The following LRATD1 variants were observed in gnomAD, a reference collection of about 807,000 sequenced individuals.
LRATD1 encodes LRAT domain containing 1, also known as protein LRATD1.
In LRATD1, 8 loss-of-function variants were observed where a neutral mutation model predicts 21.3. That is an observed-to-expected ratio of 0.38 (90% CI 0.22 to 0.68). The LOEUF (loss-of-function observed/expected upper bound fraction) is 0.68, where lower values mean the gene tolerates loss of function less well. LRATD1 is among the 30% of genes least tolerant of loss of function. The pLI is 0.54. For missense variants in LRATD1, 380 were observed against 404.0 expected (o/e 0.94, Z 0.51); for synonymous variants, 210 against 186.2 (o/e 1.13, Z -1.04).
At position 14,638,348 on chromosome 2, in the gene LRATD1, C is replaced by T. The variant is rs71435443; in HGVS notation, c.*3490C>T. ...TGACAGTATTTTTTAAAAATAATAA[C>T]GTATATTATAGTTACGAAACACTTG... is the stretch of plus-strand genomic sequence containing the variant. On this transcript the variant is annotated 3_prime_UTR_variant, in exon 2 of 2. Transcript: ENST00000295092. 5.4e-5 allele frequency: 9 copies of T among 166,100 alleles called. No individual in the cohort carries two copies. Among genetic ancestry groups the T allele is most frequent in the South Asian group, 4.2e-4 (2 of 4,796 alleles). 10.3% of individuals were successfully genotyped at this position (166,100 alleles called of 1,614,324 possible). A position where few individuals can be genotyped will look rare whatever the true frequency, so the allele number is the denominator to read the frequency against.
chr2:14,645,904 C>G lies in LRATD1; in HGVS notation n.259-200C>G, dbSNP rs146742458. Among the ~76,000 whole-genome samples the G allele has an allele frequency of 8.5e-5, 13 of 152,254 alleles. No homozygotes were observed. The East Asian group carries it at 2.5e-3, about 29-fold the overall frequency. On this transcript the variant is annotated intron_variant and non_coding_transcript_variant, in intron 2 of 5. Coordinates refer to the LRATD1 transcript ENST00000464947. The stretch of plus-strand genomic sequence containing the variant: ...TCCTCATGACCAACCTTGTGTCTGT[C>G]AGGTCTTACTGTTCCCTGCATACAA...
At position 14,635,125 on chromosome 2, in the gene LRATD1, G is replaced by A. The variant is rs532498403; in HGVS notation, c.*267G>A. ...GTGACGGTGCTGGGAGACCCCGCGTGCGCTTTCCCCTTGAGATGTAAACCG... is the reference window on the plus strand; with the variant it reads ...GTGACGGTGCTGGGAGACCCCGCGTACGCTTTCCCCTTGAGATGTAAACCG... On this transcript the variant is annotated 3_prime_UTR_variant, in exon 2 of 2. Coordinates refer to ENST00000295092, the MANE Select transcript of LRATD1 (RefSeq NM_145175.4). 14 of 701,842 alleles carry A rather than the reference G, an allele frequency of 2.0e-5. No homozygotes were observed. In the South Asian group the frequency reaches 2.1e-4, roughly 11 times the overall value. The allele number at this position is 701,842 out of a possible 1,614,324, so 43.5% of individuals were successfully genotyped here.
exon 4 of LRATD1, chr2:14,646,460 T>G (rs1239732935): frequency 1.3e-5 from 2 of 152,084 alleles, no homozygotes; most frequent in Non-Finnish European, 1.5e-5. Flanking sequence ...TAACCAGGGG[T>G]CCAAGGTAAT....
intron 4 of LRATD1, among the ~76,000 whole-genome samples, chr2:14,649,141 A>G (rs1045057216): frequency 6.6e-6 from 1 of 151,896 alleles, no homozygotes; most frequent in Non-Finnish European, 1.5e-5. Context: ...TTACTTTTTG[A>G]CCTATGTTGA....
In LRATD1 at chr2:14,635,177, A is replaced by C. The variant is rs1671658016; in HGVS notation, c.*319A>C. 1 of 636,888 alleles carries C rather than the reference A, an allele frequency of 1.6e-6. No homozygotes were observed. Among genetic ancestry groups the C allele is most frequent in the Admixed American group, 2.1e-5 (1 of 46,912 alleles). 39.5% of individuals were successfully genotyped at this position (636,888 alleles called of 1,614,324 possible). A position where few individuals can be genotyped will look rare whatever the true frequency, so the allele number is the denominator to read the frequency against. On this transcript the variant is annotated 3_prime_UTR_variant, in exon 2 of 2. Transcript: ENST00000295092. ...GAACGGGGAAGGGGCTGAGGGGAGA[A>C]AGGACATGGCCTTCCCCGCGAGTCC...
At chr2:14,641,842 T>C (rs1209270587), downstream of LRATD1, 1 of 152,254 alleles carries the variant, frequency 6.6e-6, no homozygotes, top group Admixed American at 6.5e-5. Context: ...ATCTATGCTT[T>C]ATGCCGAGCT....
At chr2:14,649,418 T>G (rs1671963380) in exon 5 of LRATD1, 1 of 455,036 alleles carries the variant, frequency 2.2e-6, no homozygotes, top group South Asian at 1.6e-5. Flanking sequence ...GTGAATGTAC[T>G]CTTTTCAGCA....
At chr2:14,644,473 T>C (rs1001068822), downstream of LRATD1, among the ~76,000 whole-genome samples, 3 of 152,312 alleles carry the variant, frequency 2.0e-5, no homozygotes, top group Admixed American at 2.0e-4. Flanking sequence ...AGTTTGGTCT[T>C]ATGAAGTCTG....
chr2:14,638,126 A>G lies in LRATD1; in HGVS notation c.*3268A>G, dbSNP rs1444748482. On this transcript the variant is annotated 3_prime_UTR_variant, in exon 2 of 2. Coordinates refer to ENST00000295092, the MANE Select transcript of LRATD1 (RefSeq NM_145175.4). ...AGTGCTTTGCTACATTTTTATTTAA[A>G]CCAAAAATCAAATAAAATAAGGAGG... The G allele has an allele frequency of 1.2e-5, 2 of 166,470 alleles. No individual in the cohort carries two copies. Among genetic ancestry groups the G allele is most frequent in the Admixed American group, 6.6e-5 (1 of 15,188 alleles). The allele number at this position is 166,470 out of a possible 1,614,324, so 10.3% of individuals were successfully genotyped here.
In LRATD1 at chr2:14,638,352, T is replaced by C. The variant is rs1338214149; in HGVS notation, c.*3494T>C. 6.0e-6 allele frequency: 1 copy of C among 166,970 alleles called. No individual in the cohort carries two copies. 10.3% of individuals were successfully genotyped at this position (166,970 alleles called of 1,614,324 possible). A position where few individuals can be genotyped will look rare whatever the true frequency, so the allele number is the denominator to read the frequency against. On this transcript the variant is annotated 3_prime_UTR_variant, in exon 2 of 2. Coordinates refer to ENST00000295092, the MANE Select transcript of LRATD1 (RefSeq NM_145175.4). The stretch of plus-strand genomic sequence containing the variant: ...AGTATTTTTTAAAAATAATAACGTA[T>C]ATTATAGTTACGAAACACTTGTGCC...
At position 14,635,654 on chromosome 2, in the gene LRATD1, G is replaced by GCCGGCC; in HGVS notation, c.*800_*805dup. ...TGGCGCTGCGAATTCGGTGAGGACA[G>GCCGGCC]CCGGCCCCGCCCCCGACAAGGAGCT... On this transcript the variant is annotated 3_prime_UTR_variant, in exon 2 of 2. Transcript: ENST00000295092. 1 of 468,876 alleles carries GCCGGCC rather than the reference G, an allele frequency of 2.1e-6. No homozygotes were observed. Among genetic ancestry groups the GCCGGCC allele is most frequent in the Non-Finnish European group, 4.4e-6 (1 of 225,636 alleles). The allele number at this position is 468,876 out of a possible 1,614,324, so 29.0% of individuals were successfully genotyped here. A position where few individuals can be genotyped will look rare whatever the true frequency, so the allele number is the denominator to read the frequency against.
At chr2:14,642,794 G>A (rs1671828713), downstream of LRATD1, among the ~76,000 whole-genome samples, 1 of 152,142 alleles carries the variant, frequency 6.6e-6, no homozygotes, top group African/African-American at 2.4e-5. Flanking sequence ...CACTGAGAAT[G>A]TAACTAGATT....
At chr2:14,640,930 G>C (rs1458651900), downstream of LRATD1, among the ~76,000 whole-genome samples, 1 of 152,128 alleles carries the variant, frequency 6.6e-6, no homozygotes, top group Non-Finnish European at 1.5e-5. Context: ...ACCAGATTTA[G>C]CAAATAAAAA....
In LRATD1 at chr2:14,634,588, G is replaced by A. The variant is rs752679216; in HGVS notation, c.609G>A (p.Lys203=). 1 of 1,501,836 alleles carries A rather than the reference G, an allele frequency of 6.7e-7. No individual in the cohort carries two copies. Among genetic ancestry groups the A allele is most frequent in the Non-Finnish European group, 8.9e-7 (1 of 1,122,486 alleles). The allele number at this position is 1,501,836 out of a possible 1,614,324, so 93.0% of individuals were successfully genotyped here. A position where few individuals can be genotyped will look rare whatever the true frequency, so the allele number is the denominator to read the frequency against. The change falls in exon 2 of 2, where the codon AAG becomes AAA. Residue 203 remains lysine (K), a synonymous_variant. Transcript: ENST00000295092. ...ACGCCTGCGGCCACCTGGGCCTCAA[G>A]AGCGAGGAGATCTGCTGGACGAACT... ...VQNACGHLGL[K]SEEICWTNSE... is the part of the protein sequence containing the mutation.
rs1293521822 is a variant in LRATD1, at chr2:14,634,312, C to G, written c.333C>G (p.Tyr111Ter). 2 of 1,596,488 alleles carry G rather than the reference C, an allele frequency of 1.3e-6. No individual in the cohort carries two copies. Among genetic ancestry groups the G allele is most frequent in the African/African-American group, 1.3e-5 (1 of 74,832 alleles). Reference sequence around the variant, plus strand: ...CTCAGGGCGCCGACCTAAGCGTCTACGCGGTCACCGCGCTGCCAGCGCTCT... The same window carrying G: ...CTCAGGGCGCCGACCTAAGCGTCTAGGCGGTCACCGCGCTGCCAGCGCTCT... ...GGPQGADLSVYAVTALPALCE... is the reference protein window; with the variant it reads ...GGPQGADLSV Residue 111 changes from tyrosine to a stop codon, truncating the protein, a stop_gained, in exon 2 of 2, where the codon TAC (tyrosine) becomes TAG (stop). Coordinates refer to ENST00000295092, the MANE Select transcript of LRATD1 (RefSeq NM_145175.4). LOFTEE classifies it high-confidence loss of function.
downstream of LRATD1, among the ~76,000 whole-genome samples, chr2:14,644,590 A>G (rs1671864087): frequency 6.6e-6 from 1 of 152,184 alleles, no homozygotes; most frequent in African/African-American, 2.4e-5. Flanking sequence ...CTCCCAGTGT[A>G]TACTTGTAGA....
At chr2:14,646,886 T>G (rs1456541063) in intron 4 of LRATD1, among the ~76,000 whole-genome samples, 1 of 152,188 alleles carries the variant, frequency 6.6e-6, no homozygotes, top group East Asian at 1.9e-4. Flanking sequence ...TAAATTAGAT[T>G]AGTTATTCCT....
At position 14,633,916 on chromosome 2, in the gene LRATD1, GTGTCTCT is replaced by G. The variant is rs1296966847; in HGVS notation, c.-36-27_-36-21del. 1 of 1,545,728 alleles carries G rather than the reference GTGTCTCT, an allele frequency of 6.5e-7. No individual in the cohort carries two copies. Among genetic ancestry groups the G allele is most frequent in the Non-Finnish European group, 8.8e-7 (1 of 1,140,834 alleles). ...GAAAGGGGCAGCCCGGACTCTGACG[GTGTCTCT>G]GCCTCTCTGTGCCTCCGCAGATCCC... On this transcript the variant is annotated intron_variant, in intron 1 of 1. Transcript: ENST00000295092. The surrounding 1 kb of genome is among the most constrained non-coding windows in gnomAD (Gnocchi z 7.5).
Position 14,636,424 on chromosome 2 carries a change from C to T in LRATD1, c.*1566C>T, listed in dbSNP as rs535765342. ...AATCTAGAGTTGGTGGCTTTTTCCC[C>T]CTCCTCTTTGGCCAGTTCCACAGTT... On this transcript the variant is annotated 3_prime_UTR_variant, in exon 2 of 2. Coordinates refer to ENST00000295092, the MANE Select transcript of LRATD1 (RefSeq NM_145175.4). 7 of 167,208 alleles carry T rather than the reference C, an allele frequency of 4.2e-5. No individual in the cohort carries two copies. In the South Asian group the frequency reaches 1.2e-3, roughly 30 times the overall value. 10.4% of individuals were successfully genotyped at this position (167,208 alleles called of 1,614,324 possible). A position where few individuals can be genotyped will look rare whatever the true frequency, so the allele number is the denominator to read the frequency against.
Sources: gnomAD v4.1 joint callset for allele counts (sites outside exome capture counted in the v4.1 genomes callset) on GRCh38, gnomAD v4.1.1 for gene constraint, Gnocchi (gnomAD v3.1) non-coding constraint, MANE v1.5 for transcripts, NCBI Gene and HGNC (gene_info 2026-07-23, HGNC 2026-07-21) for gene names.